Variants in NLRP5 observed in about 807,000 individuals in gnomAD.
The protein encoded by NLRP5 is NLR family pyrin domain containing 5.
In NLRP5, 93 loss-of-function variants were observed where a neutral mutation model predicts 113.1. The ratio of observed to expected loss-of-function variants is 0.82; its 90% confidence interval spans 0.70 to 0.98. The LOEUF is 0.98. NLRP5 is among the 50% of genes least tolerant of loss of function. NLRP5 has a pLI of 0.00. For synonymous variants in NLRP5, 751 were observed against 600.7 expected (o/e 1.25, Z -3.66); for missense variants, 1,808 against 1,514.3 (o/e 1.19, Z -3.22).
chr19:55,988,058 T>G, the NLRP5 span: 1 of 646,414 alleles, frequency 1.5e-6, no homozygotes, highest in African/African-American at 1.8e-5. Flanking sequence ...ACCTCAGCTT[T>G]GAACCCTGGA....
At chr19:56,041,602 G>A (rs959786997) in intron 11 of NLRP5, among the ~76,000 whole-genome samples, 10 of 152,100 alleles carry the variant, frequency 6.6e-5, no homozygotes, top group African/African-American at 9.7e-5. Context: ...GCCTCCCCAC[G>A]CTCCCCAGCA....
intron 7 of NLRP5, among the ~76,000 whole-genome samples, chr19:56,032,264 G>A (rs113926310): frequency 2.6e-5 from 4 of 151,456 alleles, no homozygotes; most frequent in African/African-American, 4.9e-5. Flanking sequence ...AGAATCGCTC[G>A]AACCCAGGAG....
rs142260362 is a variant in NLRP5 at position 56,058,317 on chromosome 19, G to T, written c.3377G>T (p.Ser1126Ile). The change falls in exon 14 of 15, where the codon AGT becomes ATT. Residue 1126 changes from serine (S) to isoleucine (I), a missense_variant. Ser to Ile is a moderately radical substitution (Grantham distance 142, BLOSUM62 -2). Coordinates refer to ENST00000390649, the MANE Select transcript of NLRP5 (RefSeq NM_153447.4). Reference sequence around the variant, plus strand: ...CTTTCCTGCAACCGGCATCTGACCAGTCTAAACCTGGTGCAGAATAACTTC... The same window carrying T: ...CTTTCCTGCAACCGGCATCTGACCATTCTAAACCTGGTGCAGAATAACTTC... The T allele has an allele frequency of 7.4e-6, 12 of 1,613,962 alleles. No homozygotes were observed. The highest frequency in any genetic ancestry group is 2.2e-5 in the South Asian group (2 of 91,080).
intron 14 of NLRP5, 116 bp downstream of exon 14, chr19:56,058,526 TA>T: frequency 1.1e-6 from 1 of 880,852 alleles, no homozygotes; most frequent in East Asian, 2.6e-5. Flanking sequence ...AGCCACATTT[TA>T]CTCCATTGGT....
At chr19:56,025,193 T>C (rs1229375614) in intron 6 of NLRP5, among the ~76,000 whole-genome samples, 1 of 152,144 alleles carries the variant, frequency 6.6e-6, no homozygotes, top group Admixed American at 6.5e-5. Flanking sequence ...TATATTACAA[T>C]GTAATCATAA....
chr19:55,986,933 C>T, the NLRP5 span, among the ~76,000 whole-genome samples: 1 of 152,216 alleles, frequency 6.6e-6, no homozygotes, highest in Non-Finnish European at 1.5e-5. Flanking sequence ...CTTCTGGCTG[C>T]TCAAAGCCCA....
chr19:56,034,399 G>A (rs1328390509), intron 9 of NLRP5, among the ~76,000 whole-genome samples: 1 of 152,190 alleles, frequency 6.6e-6, no homozygotes, highest in Non-Finnish European at 1.5e-5. Flanking sequence ...AGGAAAAAAA[G>A]TGCCCTTCTG....
chr19:56,055,609 G>C (rs1165313213), intron 13 of NLRP5, among the ~76,000 whole-genome samples: 1 of 128,960 alleles, frequency 7.8e-6, no homozygotes, highest in Admixed American at 9.0e-5. Flanking sequence ...GCAGTGGCGC[G>C]ATCTCAGCTC....
upstream of NLRP5, among the ~76,000 whole-genome samples, chr19:55,995,769 G>C (rs1005098879): frequency 2.6e-5 from 4 of 151,952 alleles, no homozygotes; most frequent in African/African-American, 9.7e-5. Flanking sequence ...TCAGTATTCT[G>C]TGGGTTTTAC....
intron 7 of NLRP5, among the ~76,000 whole-genome samples, chr19:56,032,026 G>A (rs1359154728): frequency 6.6e-6 from 1 of 152,068 alleles, no homozygotes; most frequent in African/African-American, 2.4e-5. Flanking sequence ...TTACGTTCAA[G>A]TGGGGCTGGA....
At chr19:56,044,469 G>C (rs1441563302) in intron 11 of NLRP5, among the ~76,000 whole-genome samples, 1 of 152,202 alleles carries the variant, frequency 6.6e-6, no homozygotes, top group South Asian at 2.1e-4. Context: ...TTGTCGAAAA[G>C]GGTGTCCTTT....
At chr19:56,049,649 G>A (rs1224806985) in intron 11 of NLRP5, among the ~76,000 whole-genome samples, 1 of 152,104 alleles carries the variant, frequency 6.6e-6, no homozygotes, top group Non-Finnish European at 1.5e-5. Flanking sequence ...CTATTGCTGA[G>A]ACTTTCCAGA....
Position 56,027,408 on chromosome 19 carries a change from G to T in NLRP5, c.1175G>T (p.Arg392Leu), listed in dbSNP as rs770891485. The change falls in exon 7 of 15, where the codon CGC becomes CTC. Residue 392 changes from arginine to leucine, a missense_variant. Physicochemically the swap from Arg to Leu is moderately radical, Grantham distance 102 (BLOSUM62 -2). Coordinates refer to ENST00000390649, the MANE Select transcript of NLRP5 (RefSeq NM_153447.4). ...AAGCAGCCTCCGTTCACCCTCATAC[G>T]CAGTCTGCTGAGGAAGGTCCTGCTC... The T allele has an allele frequency of 1.2e-6, 2 of 1,613,180 alleles. No homozygotes were observed. Among genetic ancestry groups the T allele is most frequent in the Non-Finnish European group, 1.7e-6 (2 of 1,179,622 alleles).
chr19:56,026,399 G>C (rs1056392986), intron 6 of NLRP5, among the ~76,000 whole-genome samples: 12 of 151,342 alleles, frequency 7.9e-5, no homozygotes, highest in African/African-American at 2.7e-4. Flanking sequence ...GTGGTGGCAG[G>C]CACCTGTAGT....
intron 6 of NLRP5, among the ~76,000 whole-genome samples, chr19:56,021,017 G>GCA (rs1346992867): frequency 9.9e-5 from 15 of 151,872 alleles, no homozygotes; most frequent in Admixed American, 2.0e-4. Context: ...GGGATTACAG[G>GCA]CCTGCCACCA....
At chr19:55,990,743 G>T in the NLRP5 span, among the ~76,000 whole-genome samples, 3 of 152,048 alleles carry the variant, frequency 2.0e-5, no homozygotes, top group African/African-American at 7.2e-5. Flanking sequence ...GAGAATGGCA[G>T]GAACCCGGGA....
chr19:56,015,264 C>T (rs754398453), intron 3 of NLRP5, among the ~76,000 whole-genome samples: 6 of 152,014 alleles, frequency 3.9e-5, no homozygotes, highest in Admixed American at 6.6e-5. Context: ...GGTGTGATGT[C>T]GGCTCACTGA....
chr19:56,007,869 T>TTGTGTGTGTGTGTG lies in NLRP5; in HGVS notation c.443-912_443-899dup, dbSNP rs140570438. ...ATGCTTCCAAAGTGTACAAGACAGTTTGTGTGTGTGTGTGTGTGTGCGCGT... is the reference window on the plus strand; with the variant it reads ...ATGCTTCCAAAGTGTACAAGACAGTTTGTGTGTGTGTGTGTGTGTGTGTGTGTGTGTGTGCGCGT... On this transcript the variant is annotated intron_variant, in intron 2 of 14. Coordinates refer to ENST00000390649, the MANE Select transcript of NLRP5 (RefSeq NM_153447.4). 2.2e-3 allele frequency among the ~76,000 whole-genome samples: 189 copies of TTGTGTGTGTGTGTG among 85,982 alleles called. 32 individuals are homozygous for TTGTGTGTGTGTGTG. The highest frequency in any genetic ancestry group is 7.6e-3 in the African/African-American group (181 of 23,896). The allele number at this position is 85,982 out of a possible 152,430, so 56.4% of individuals were successfully genotyped here.
At chr19:55,989,007 C>T in the NLRP5 span, among the ~76,000 whole-genome samples, 1 of 152,100 alleles carries the variant, frequency 6.6e-6, no homozygotes, top group African/African-American at 2.4e-5. Context: ...TACCAATAGT[C>T]AATATTGTCC....
Sources: allele counts gnomAD v4.1 joint callset (sites outside exome capture counted in the v4.1 genomes callset), GRCh38; gene constraint gnomAD v4.1.1; transcripts MANE v1.5; gene names NCBI Gene and HGNC (gene_info 2026-07-23, HGNC 2026-07-21).